RBMS1: variants seen among roughly 807,000 people sequenced by gnomAD.
RBMS1 encodes the protein RNA-binding motif, single-stranded-interacting protein 1.
A neutral mutation model predicts 62.3 loss-of-function variants in RBMS1; 17 were observed. The observed-to-expected ratio is 0.27, with a 90% CI of 0.19 to 0.41. The LOEUF (loss-of-function observed/expected upper bound fraction) is 0.41, where lower values mean the gene tolerates loss of function less well. Among genes scored for constraint, RBMS1 ranks in the 10% least tolerant of loss-of-function variants. RBMS1 has a pLI of 1.00. For synonymous variants in RBMS1, 172 were observed against 170.0 expected (o/e 1.01, Z -0.09); for missense variants, 334 against 504.5 (o/e 0.66, Z 3.24).
At chr2:160,280,214 G>A (rs988665835) in intron 10 of RBMS1, among the ~76,000 whole-genome samples, 5 of 152,204 alleles carry the variant, frequency 3.3e-5, no homozygotes, top group Non-Finnish European at 7.3e-5. Context: ...ATGGGCATGT[G>A]TGGATCAGTG....
Position 160,297,287 on chromosome 2 carries a change from T to A in RBMS1, c.640+3364A>T, listed in dbSNP as rs78346300. 2.6e-5 allele frequency among the ~76,000 whole-genome samples: 4 copies of A among 152,332 alleles called. No homozygotes were observed. In the East Asian group the frequency reaches 7.7e-4, roughly 29 times the overall value. On this transcript the variant is annotated intron_variant, in intron 6 of 13. Coordinates refer to ENST00000348849, the MANE Select transcript of RBMS1 (RefSeq NM_016836.4). Reference sequence around the variant, plus strand: ...TTACCTCCCCCTCAAAGCAAGGTGATGTGGTTTCTAAATTTTGAAACTTTC... The same window carrying A: ...TTACCTCCCCCTCAAAGCAAGGTGAAGTGGTTTCTAAATTTTGAAACTTTC...
At chr2:160,399,871 A>G (rs755854860) in intron 1 of RBMS1, among the ~76,000 whole-genome samples, 6 of 152,256 alleles carry the variant, frequency 3.9e-5, no homozygotes, top group Non-Finnish European at 8.8e-5. Flanking sequence ...TAAGAATCTA[A>G]GACAATTCAA....
chr2:160,436,473 A>G (rs1176749134), intron 1 of RBMS1, among the ~76,000 whole-genome samples: 1 of 152,246 alleles, frequency 6.6e-6, no homozygotes, highest in East Asian at 1.9e-4. Context: ...TGACATGTGG[A>G]ACAGCCAACT....
chr2:160,455,723 G>T (rs1347098202), intron 1 of RBMS1, among the ~76,000 whole-genome samples: 5 of 130,656 alleles, frequency 3.8e-5, no homozygotes, highest in South Asian at 4.7e-4. Flanking sequence ...TCGCTCTGTC[G>T]CCCAGGCTGG....
chr2:160,457,375 C>A (rs1025203296), intron 1 of RBMS1, among the ~76,000 whole-genome samples: 1 of 152,162 alleles, frequency 6.6e-6, no homozygotes, highest in African/African-American at 2.4e-5. Flanking sequence ...GGTGATCTGC[C>A]TGCCTCAGCC....
intron 1 of RBMS1, among the ~76,000 whole-genome samples, chr2:160,445,069 A>G (rs188523747): frequency 1.3e-5 from 2 of 152,372 alleles, no homozygotes; most frequent in Admixed American, 1.3e-4. Flanking sequence ...GGGGAGAATC[A>G]GAAAGAATAA....
At chr2:160,348,193 G>A (rs945686065) in intron 2 of RBMS1, among the ~76,000 whole-genome samples, 5 of 151,984 alleles carry the variant, frequency 3.3e-5, no homozygotes, top group African/African-American at 4.8e-5. Context: ...TCCCAAAAGA[G>A]TATATGCATT....
At chr2:160,407,436 C>T in intron 1 of RBMS1, 1 of 986,152 alleles carries the variant, frequency 1.0e-6, no homozygotes, top group Non-Finnish European at 1.2e-6. Flanking sequence ...TCGCCGACCT[C>T]GGCGCGGCAT....
At chr2:160,288,009 A>T (rs2105937993) in intron 6 of RBMS1, among the ~76,000 whole-genome samples, 1 of 150,890 alleles carries the variant, frequency 6.6e-6, no homozygotes, top group South Asian at 2.1e-4. Context: ...CAGAAGATGT[A>T]GAGAATATTT....
Position 160,444,770 on chromosome 2 carries a change from A to C in RBMS1, c.75+48519T>G, listed in dbSNP as rs577113768. On this transcript the variant is annotated intron_variant, in intron 1 of 13. Coordinates refer to ENST00000348849, the MANE Select transcript of RBMS1 (RefSeq NM_016836.4). ...AATCCTACAGGTCTGGTGGCCTTAC[A>C]AGAAGAGGAAGAGAGAGGAAGAGAT... 1.1e-4 allele frequency among the ~76,000 whole-genome samples: 16 copies of C among 152,254 alleles called. No homozygotes were observed. The South Asian group carries it at 3.3e-3, about 32-fold the overall frequency.
intron 3 of RBMS1, 68 bp from the exon 4 acceptor site, chr2:160,313,315 A>G: frequency 6.8e-7 from 1 of 1,472,542 alleles, no homozygotes; most frequent in Admixed American, 1.9e-5. Flanking sequence ...GTAAAAGAAC[A>G]GCTCTACTTT....
chr2:160,284,309 G>A (rs1227886062), intron 9 of RBMS1: 2 of 153,540 alleles, frequency 1.3e-5, no homozygotes, highest in African/African-American at 4.8e-5. Flanking sequence ...TACCTCAAAT[G>A]TCAGCTGCAT....
chr2:160,317,415 T>C (rs907339523), intron 3 of RBMS1, among the ~76,000 whole-genome samples: 1 of 152,208 alleles, frequency 6.6e-6, no homozygotes, highest in East Asian at 1.9e-4. Context: ...GCTGACTCTA[T>C]TCTTCCCTTT....
intron 1 of RBMS1, among the ~76,000 whole-genome samples, chr2:160,421,609 T>C (rs964431600): frequency 6.6e-6 from 1 of 152,156 alleles, no homozygotes; most frequent in African/African-American, 2.4e-5. Context: ...AATAAACATA[T>C]GTGTGCATGT....
At chr2:160,337,134 T>C (rs371991741) in intron 2 of RBMS1, among the ~76,000 whole-genome samples, 1,585 of 143,360 alleles carry the variant, frequency 0.011, 38 homozygotes, top group African/African-American at 0.036. Context: ...CTTTTTCTTT[T>C]CTTTTTTTTT....
intron 5 of RBMS1, among the ~76,000 whole-genome samples, chr2:160,301,756 T>C (rs574817075): frequency 2.0e-5 from 3 of 152,350 alleles, no homozygotes; most frequent in Non-Finnish European, 2.9e-5. Flanking sequence ...AACCAAGTAC[T>C]AGCCCCTGCT....
chr2:160,343,313 G>A (rs1236713497), intron 2 of RBMS1, among the ~76,000 whole-genome samples: 1 of 152,188 alleles, frequency 6.6e-6, no homozygotes, highest in Non-Finnish European at 1.5e-5. Context: ...CTCTTGGAAT[G>A]TCATAAATTT....
At chr2:160,440,653 CTTTCCA>C (rs1168611624) in intron 1 of RBMS1, among the ~76,000 whole-genome samples, 7 of 152,196 alleles carry the variant, frequency 4.6e-5, no homozygotes, top group African/African-American at 1.7e-4. Flanking sequence ...ATATACAGTA[CTTTCCA>C]TTTCCATTTC....
At chr2:160,361,531 T>C (rs1366349461) in intron 2 of RBMS1, among the ~76,000 whole-genome samples, 3 of 152,268 alleles carry the variant, frequency 2.0e-5, no homozygotes, top group Non-Finnish European at 4.4e-5. Flanking sequence ...ACAGCGAGTA[T>C]TGCAATAAAA....
Sources: allele counts gnomAD v4.1 joint callset (sites outside exome capture counted in the v4.1 genomes callset), GRCh38; gene constraint gnomAD v4.1.1; transcripts MANE v1.5; gene names NCBI Gene and HGNC (gene_info 2026-07-23, HGNC 2026-07-21).